The following XIRP2 variants were observed in gnomAD, a reference collection of about 807,000 sequenced individuals.
The protein encoded by XIRP2 is xin actin-binding repeat-containing protein 2.
Under a neutral mutation model 277.0 loss-of-function variants are expected in XIRP2, and 236 were observed. That is an observed-to-expected ratio of 0.85 (90% CI 0.77 to 0.95). The LOEUF is 0.95. Ranked by LOEUF, XIRP2 falls within the 40% of genes least tolerant of loss-of-function variation. The probability of loss-of-function intolerance (pLI) is 0.00; values close to 1 mark genes in which losing one functional copy is unlikely to be tolerated. For missense variants in XIRP2, 4,640 were observed against 4,157.5 expected, an observed-to-expected ratio of 1.12 and a Z score of -3.19; for synonymous variants, 1,490 against 1,416.5, an observed-to-expected ratio of 1.05 and a Z score of -1.17.
chr2:166,945,564 C>A (rs916261221), intron 2 of XIRP2, among the ~76,000 whole-genome samples: 9 of 150,412 alleles, frequency 6.0e-5, no homozygotes, highest in African/African-American at 2.2e-4. Context: ...TATATAGGTA[C>A]TTTTAATAGA....
intron 2 of XIRP2, among the ~76,000 whole-genome samples, chr2:167,012,201 G>A (rs1687699542): frequency 6.6e-6 from 1 of 151,812 alleles, no homozygotes; most frequent in Admixed American, 6.6e-5. Context: ...GGCATTTAGT[G>A]CTATAAATTT....
intron 2 of XIRP2, among the ~76,000 whole-genome samples, chr2:167,060,586 A>T (rs1190299323): frequency 2.6e-5 from 4 of 152,208 alleles, no homozygotes; most frequent in Non-Finnish European, 5.9e-5. Context: ...TTGACTCAGT[A>T]TCATTTATTG....
At chr2:167,047,536 G>T (rs1311529895) in intron 2 of XIRP2, among the ~76,000 whole-genome samples, 1 of 151,830 alleles carries the variant, frequency 6.6e-6, no homozygotes, top group Non-Finnish European at 1.5e-5. Flanking sequence ...AAAATTTTCA[G>T]ATACAATTTT....
At chr2:167,194,237 A>G (rs544858388) in intron 3 of XIRP2, among the ~76,000 whole-genome samples, 1 of 151,666 alleles carries the variant, frequency 6.6e-6, no homozygotes, top group African/African-American at 2.4e-5. Context: ...ATGCACCACA[A>G]CACCACCTAA....
Position 167,249,830 on chromosome 2 carries a change from G to A in XIRP2, c.8438G>A (p.Gly2813Glu). ...AGAGAATTTAGCGGATCTGACAGAG[G>A]GAAACTTCCAGGAAGTGAAGAAAAA... is the stretch of plus-strand genomic sequence containing the variant. ...KQREFSGSDR[G>E]KLPGSEEKNQ... is the part of the protein sequence containing the mutation. Residue 2813 changes from glycine (G) to glutamate (E), a missense_variant, in exon 9 of 11, where the codon GGG becomes GAG. Transcript: ENST00000409195. 6.2e-7 allele frequency: 1 copy of A among 1,613,368 alleles called. No individual in the cohort carries two copies. The highest frequency in any genetic ancestry group is 2.2e-5 in the East Asian group (1 of 44,814).
intron 2 of XIRP2, among the ~76,000 whole-genome samples, chr2:166,997,688 C>T (rs937168145): frequency 6.6e-6 from 1 of 152,050 alleles, no homozygotes; most frequent in Non-Finnish European, 1.5e-5. Context: ...AGGTAGATCA[C>T]TAGGTCAAGA....
At chr2:167,195,625 C>T (rs1159973451) in intron 3 of XIRP2, among the ~76,000 whole-genome samples, 3 of 152,028 alleles carry the variant, frequency 2.0e-5, no homozygotes, top group Non-Finnish European at 4.4e-5. Context: ...AAGACCAGAC[C>T]GTTTATCATG....
At chr2:166,945,089 C>A (rs1315265887) in intron 2 of XIRP2, among the ~76,000 whole-genome samples, 1 of 152,106 alleles carries the variant, frequency 6.6e-6, no homozygotes, top group Admixed American at 6.6e-5. Context: ...GCTCAGAACC[C>A]ATCCTCCATT....
At chr2:166,926,376 T>A (rs1301331666) in intron 2 of XIRP2, among the ~76,000 whole-genome samples, 1 of 152,140 alleles carries the variant, frequency 6.6e-6, no homozygotes, top group Non-Finnish European at 1.5e-5. Flanking sequence ...TGTAGATAGC[T>A]ACTGGTCTTG....
chr2:167,219,302 AATTAAG>A (rs1309664192), intron 5 of XIRP2, among the ~76,000 whole-genome samples: 1 of 152,240 alleles, frequency 6.6e-6, no homozygotes, highest in Non-Finnish European at 1.5e-5. Context: ...ATAAATAAGA[AATTAAG>A]ATTAAGATAC....
intron 2 of XIRP2, among the ~76,000 whole-genome samples, chr2:166,912,801 T>C (rs1387651867): frequency 6.6e-6 from 1 of 152,200 alleles, no homozygotes; most frequent in East Asian, 1.9e-4. Context: ...ATGTCCTTTC[T>C]GTTTGTTAGT....
chr2:167,197,624 A>C (rs1290145685), intron 3 of XIRP2, among the ~76,000 whole-genome samples: 3 of 151,948 alleles, frequency 2.0e-5, no homozygotes, highest in African/African-American at 7.3e-5. Context: ...AATATTTTCT[A>C]TTTTTCCCAC....
intron 2 of XIRP2, among the ~76,000 whole-genome samples, chr2:167,083,428 C>G (rs1364245970): frequency 6.6e-6 from 1 of 152,194 alleles, no homozygotes; most frequent in East Asian, 1.9e-4. Context: ...GCGATGCGGG[C>G]TCTTTTTCGG....
chr2:167,033,955 A>G (rs1381050207), intron 2 of XIRP2, among the ~76,000 whole-genome samples: 1 of 152,206 alleles, frequency 6.6e-6, no homozygotes, highest in African/African-American at 2.4e-5. Flanking sequence ...CACTGGTAAT[A>G]GCAAGTACAC....
chr2:167,115,447 G>A (rs1267929888), intron 2 of XIRP2, among the ~76,000 whole-genome samples: 1 of 152,196 alleles, frequency 6.6e-6, no homozygotes. Flanking sequence ...AGCTGCCAGA[G>A]TCCTTGTGCT....
chr2:167,253,995 TAACAC>T (rs1695589003), intron 9 of XIRP2, 32 bp from the exon 10 acceptor site: 3 of 1,536,908 alleles, frequency 2.0e-6, no homozygotes, highest in Admixed American at 2.1e-5. Context: ...TGATTGAAGA[TAACAC>T]TACAGAAGGC....
chr2:167,077,402 A>C (rs1200449932), intron 2 of XIRP2, among the ~76,000 whole-genome samples: 5 of 152,130 alleles, frequency 3.3e-5, no homozygotes, highest in Non-Finnish European at 7.3e-5. Context: ...ATTATGTGGC[A>C]GCCGTTAGTT....
intron 2 of XIRP2, among the ~76,000 whole-genome samples, chr2:167,000,796 CATA>C (rs760421762): frequency 2.4e-4 from 37 of 152,204 alleles, no homozygotes; most frequent in South Asian, 1.5e-3. Context: ...TTGATACAAT[CATA>C]ATGTCTTTGA....
chr2:167,030,025 T>C (rs1018086557), intron 2 of XIRP2, among the ~76,000 whole-genome samples: 2 of 152,206 alleles, frequency 1.3e-5, no homozygotes, highest in South Asian at 2.1e-4. Flanking sequence ...TATTCTCTGA[T>C]GGTAGATTGT....
Sources: gnomAD v4.1 joint callset for allele counts (sites outside exome capture counted in the v4.1 genomes callset) on GRCh38, gnomAD v4.1.1 for gene constraint, MANE v1.5 for transcripts, NCBI Gene and HGNC (gene_info 2026-07-23, HGNC 2026-07-21) for gene names.